PHC2: variants seen among roughly 807,000 people sequenced by gnomAD.
The protein encoded by PHC2 is polyhomeotic-like protein 2.
PHC2 carries 29 observed loss-of-function variants against 87.4 expected under a neutral mutation model. The observed-to-expected ratio is 0.33, with a 90% CI of 0.25 to 0.45. The LOEUF is 0.45. PHC2 is among the 20% of genes least tolerant of loss of function. The pLI, the probability that PHC2 is intolerant of heterozygous loss-of-function variation, is 1.00. For missense variants in PHC2, 857 were observed against 1,136.7 expected, an observed-to-expected ratio of 0.75 and a Z score of 3.54; for synonymous variants, 438 against 461.7, an observed-to-expected ratio of 0.95 and a Z score of 0.66.
chr1:33,349,400 G>A lies in PHC2; in HGVS notation c.1558+5001C>T, dbSNP rs565923654. The A allele has an allele frequency of 1.1e-4, 111 of 985,302 alleles. No individual in the cohort carries two copies. In the South Asian group the frequency reaches 4.3e-3, roughly 38 times the overall value. 61.0% of individuals were successfully genotyped at this position (985,302 alleles called of 1,614,324 possible). On this transcript the variant is annotated intron_variant, in intron 9 of 14. Coordinates refer to ENST00000683057, the MANE Select transcript of PHC2 (RefSeq NM_001385109.1). The surrounding 1 kb of genome is among the most constrained non-coding windows in gnomAD (Gnocchi z 4.2). ...GCTTCCAGGGGCGACGGGCGCGCAGGGTCCCCAGGCGAGCGAGGCTGGGGA... is the reference window on the plus strand; with the variant it reads ...GCTTCCAGGGGCGACGGGCGCGCAGAGTCCCCAGGCGAGCGAGGCTGGGGA...
intron 9 of PHC2, among the ~76,000 whole-genome samples, chr1:33,340,565 A>G (rs1371011257): frequency 6.6e-6 from 1 of 152,240 alleles, no homozygotes; most frequent in Admixed American, 6.5e-5. Context: ...CCTCATGGAA[A>G]GATCTGGGGC....
chr1:33,399,044 G>A (rs1415771038), intron 1 of PHC2, among the ~76,000 whole-genome samples: 1 of 152,160 alleles, frequency 6.6e-6, no homozygotes, highest in Non-Finnish European at 1.5e-5. Flanking sequence ...AAGGCAAAAT[G>A]TGAAAAATTC....
intron 1 of PHC2, among the ~76,000 whole-genome samples, chr1:33,407,403 A>AT (rs951874073): frequency 3.9e-5 from 6 of 152,062 alleles, no homozygotes; most frequent in Admixed American, 1.3e-4. Flanking sequence ...TCTAGAAATG[A>AT]TTTTTTTTTG....
chr1:33,347,341 CCCACAGCCAGGAGAATGA>C (rs1646863168), intron 9 of PHC2: 4 of 985,238 alleles, frequency 4.1e-6, no homozygotes, highest in Non-Finnish European at 2.4e-6. Flanking sequence ...GATGATGAGA[CCCACAGCCAGGAGAATGA>C]TGACTGTGAC....
At chr1:33,388,552 T>C (rs936777580) in intron 1 of PHC2, among the ~76,000 whole-genome samples, 1 of 151,940 alleles carries the variant, frequency 6.6e-6, no homozygotes, top group Non-Finnish European at 1.5e-5. Context: ...CTCGAACTCC[T>C]GACCTCAGGT....
At chr1:33,356,259 A>ATATATATATATATATG (rs1553185649) in intron 7 of PHC2, among the ~76,000 whole-genome samples, 1 of 84,530 alleles carries the variant, frequency 1.2e-5, no homozygotes, top group African/African-American at 4.5e-5. Flanking sequence ...TTATATATAT[A>ATATATATATATATATG]TATATATATA....
At chr1:33,379,369 C>T (rs1648367829) in intron 1 of PHC2, among the ~76,000 whole-genome samples, 1 of 58,554 alleles carries the variant, frequency 1.7e-5, no homozygotes, top group African/African-American at 7.0e-5. Context: ...CCCATCCCCC[C>T]TGTCCCCCCC....
At position 33,388,103 on chromosome 1, in the gene PHC2, G is replaced by A. The variant is rs540175509; in HGVS notation, c.-54-12510C>T. ...ACAAAAACAACTGTCCCACAGGAGA[G>A]AGGGGATAGAGGATGCCCACCTTTC... On this transcript the variant is annotated intron_variant, in intron 1 of 14. Coordinates refer to ENST00000683057, the MANE Select transcript of PHC2 (RefSeq NM_001385109.1). Among the ~76,000 whole-genome samples, 190 of 152,330 alleles carry A rather than the reference G, an allele frequency of 1.2e-3. 1 individual carries two copies. The highest frequency in any genetic ancestry group is 4.3e-3 in the African/African-American group (180 of 41,562).
chr1:33,326,167 G>GGA (rs752344086), intron 14 of PHC2: 4 of 219,180 alleles, frequency 1.8e-5, no homozygotes, highest in Non-Finnish European at 2.8e-5. Context: ...CAGTAAAATA[G>GGA]GAGAGAGAGA....
intron 1 of PHC2, among the ~76,000 whole-genome samples, chr1:33,400,642 G>A (rs921987481): frequency 2.6e-5 from 4 of 152,138 alleles, no homozygotes; most frequent in African/African-American, 7.2e-5. Flanking sequence ...GAAGGATTCC[G>A]GGACAGGCAG....
intron 1 of PHC2, among the ~76,000 whole-genome samples, chr1:33,420,099 G>C (rs1161579403): frequency 1.3e-5 from 2 of 152,136 alleles, no homozygotes; most frequent in Non-Finnish European, 2.9e-5. Context: ...TTATCACTAG[G>C]GAAGGCTGAT....
intron 8 of PHC2, 100 bp downstream of exon 8, chr1:33,354,738 C>A (rs553485059): frequency 1.4e-6 from 2 of 1,411,860 alleles, no homozygotes; most frequent in East Asian, 4.6e-5. Context: ...GATGACTTCA[C>A]CCGTCAGCCT....
At chr1:33,398,572 G>A (rs1266006336) in intron 1 of PHC2, among the ~76,000 whole-genome samples, 1 of 151,970 alleles carries the variant, frequency 6.6e-6, no homozygotes, top group Non-Finnish European at 1.5e-5. Flanking sequence ...TAAAGTATCT[G>A]GGCTTCAACA....
intron 9 of PHC2, among the ~76,000 whole-genome samples, chr1:33,351,183 G>A (rs1184929859): frequency 6.6e-6 from 1 of 152,196 alleles, no homozygotes; most frequent in Non-Finnish European, 1.5e-5. Flanking sequence ...CAGACAATAT[G>A]TACGTGAAGG....
At chr1:33,423,640 A>G (rs1342614174) in intron 1 of PHC2, among the ~76,000 whole-genome samples, 1 of 152,268 alleles carries the variant, frequency 6.6e-6, no homozygotes, top group African/African-American at 2.4e-5. Context: ...TTTTATTTCT[A>G]GAAACAGCAT....
At chr1:33,357,277 C>A (rs1647108454) in intron 7 of PHC2, among the ~76,000 whole-genome samples, 1 of 152,174 alleles carries the variant, frequency 6.6e-6, no homozygotes, top group South Asian at 2.1e-4. Context: ...TCCTGTGATG[C>A]AACAGGTGCA....
rs1646336133 is a variant in PHC2, at chr1:33,324,871, G to A, written c.2574C>T (p.Asp858=). ...ATCCTGGCTGCCACCAGCCCTAGGA[G>A]TCCTTGAGCATGCTGATGCGGGCGT... ...KIYARISMLK[D]S is the part of the protein sequence containing the mutation. The change falls in exon 15 of 15, where the codon GAC becomes GAT. Residue 858 remains aspartate, a synonymous_variant. Coordinates refer to ENST00000683057, the MANE Select transcript of PHC2 (RefSeq NM_001385109.1). The A allele has an allele frequency of 2.5e-6, 4 of 1,612,792 alleles. No individual in the cohort carries two copies. The Admixed American group carries it at 5.0e-5, about 20-fold the overall frequency.
chr1:33,343,003 C>A (rs994920013), intron 9 of PHC2, among the ~76,000 whole-genome samples: 5 of 152,204 alleles, frequency 3.3e-5, no homozygotes, highest in African/African-American at 1.2e-4. Flanking sequence ...TGTGTGGCTT[C>A]AAGCACTCAC....
At chr1:33,387,962 T>C (rs908093380) in intron 1 of PHC2, among the ~76,000 whole-genome samples, 5 of 152,256 alleles carry the variant, frequency 3.3e-5, no homozygotes, top group Non-Finnish European at 7.3e-5. Flanking sequence ...TGTCTAACAT[T>C]TGTAGGCCTT....
Sources: gnomAD v4.1 joint callset for allele counts (sites outside exome capture counted in the v4.1 genomes callset) on GRCh38, gnomAD v4.1.1 for gene constraint, Gnocchi (gnomAD v3.1) non-coding constraint, MANE v1.5 for transcripts, NCBI Gene and HGNC (gene_info 2026-07-23, HGNC 2026-07-21) for gene names.